NUDT4: variants seen among roughly 807,000 people sequenced by gnomAD.
NUDT4 encodes nudix hydrolase 4, also known as diphosphoinositol polyphosphate phosphohydrolase 2.
NUDT4 carries 5 observed loss-of-function variants against 23.1 expected under a neutral mutation model. The ratio of observed to expected loss-of-function variants is 0.22; its 90% confidence interval spans 0.11 to 0.46. The LOEUF is 0.46. Ranked by LOEUF, NUDT4 falls within the 20% of genes least tolerant of loss-of-function variation. The probability of loss-of-function intolerance (pLI) is 0.99; values close to 1 mark genes in which losing one functional copy is unlikely to be tolerated. For synonymous variants in NUDT4, 50 were observed against 79.0 expected, an observed-to-expected ratio of 0.63 and a Z score of 1.95; for missense variants, 96 against 211.6, an observed-to-expected ratio of 0.45 and a Z score of 3.39.
intron 1 of NUDT4, among the ~76,000 whole-genome samples, chr12:93,380,614 A>C (rs1291348773): frequency 2.0e-5 from 3 of 152,204 alleles, no homozygotes; most frequent in African/African-American, 7.2e-5. Context: ...TCCTTAAGTG[A>C]AATGCACAGC....
intron 4 of NUDT4, 60 bp from the exon 5 acceptor site, chr12:93,399,117 C>T (rs1877159889): frequency 1.6e-6 from 2 of 1,268,260 alleles, no homozygotes; most frequent in East Asian, 4.6e-5. Context: ...GTGGACATTA[C>T]TTATATGGCT....
At chr12:93,378,668 T>C in intron 1 of NUDT4, 1 of 1,154,560 alleles carries the variant, frequency 8.7e-7, no homozygotes, top group Non-Finnish European at 1.1e-6. Context: ...AGAAGGCGCC[T>C]GGTCCCCGGG....
Position 93,378,353 on chromosome 12 carries a change from A to T in NUDT4, c.31A>T (p.Thr11Ser). Residue 11 changes from threonine to serine, a missense_variant, in exon 1 of 5, where the codon ACC becomes TCC. Physicochemically the swap from Thr to Ser is moderately conservative, Grantham distance 58. Transcript: ENST00000415493. ...GAAGTTCAAGCCCAACCAGACGCGG[A>T]CCTACGACCGCGAGGGCTTCAAGAA... MMKFKPNQTR[T>S]YDREGFKKRA... The T allele has an allele frequency of 6.6e-7, 1 of 1,520,270 alleles. No homozygotes were observed. The highest frequency in any genetic ancestry group is 8.9e-7 in the Non-Finnish European group (1 of 1,124,654). The allele number at this position is 1,520,270 out of a possible 1,614,324, so 94.2% of individuals were successfully genotyped here.
At chr12:93,391,147 A>G (rs1876466993) in intron 1 of NUDT4, among the ~76,000 whole-genome samples, 2 of 152,076 alleles carry the variant, frequency 1.3e-5, no homozygotes, top group Non-Finnish European at 2.9e-5. Flanking sequence ...ATTTAAAAGA[A>G]AAAAAAATCA....
chr12:93,386,529 G>A (rs1035721761), intron 1 of NUDT4, among the ~76,000 whole-genome samples: 14 of 151,688 alleles, frequency 9.2e-5, no homozygotes, highest in African/African-American at 2.2e-4. Flanking sequence ...GCAGTGAGCC[G>A]AGATCACGCC....
Position 93,402,755 on chromosome 12 carries a change from T to TA in NUDT4, c.*3377dup, listed in dbSNP as rs1877554674. 6.6e-6 allele frequency: 1 copy of TA among 152,174 alleles called. No homozygotes were observed. Among genetic ancestry groups the TA allele is most frequent in the Non-Finnish European group, 1.5e-5 (1 of 68,030 alleles). 9.4% of individuals were successfully genotyped at this position (152,174 alleles called of 1,614,324 possible). A position where few individuals can be genotyped will look rare whatever the true frequency, so the allele number is the denominator to read the frequency against. The stretch of plus-strand genomic sequence containing the variant: ...TTTTAATGAATGTGAGCTCTTGACT[T>TA]ACTCTAGAATTCTAATACAGATACT... On this transcript the variant is annotated 3_prime_UTR_variant, in exon 5 of 5. Coordinates refer to ENST00000415493, the MANE Select transcript of NUDT4 (RefSeq NM_019094.6).
intron 3 of NUDT4, among the ~76,000 whole-genome samples, chr12:93,398,338 C>CAAAAA (rs34651915): frequency 1.7e-3 from 130 of 74,516 alleles, no homozygotes; most frequent in East Asian, 2.1e-3. Context: ...CTCCCTGTCT[C>CAAAAA]AAAAAAAAAA....
At chr12:93,383,830 TC>T (rs1875871319) in intron 1 of NUDT4, among the ~76,000 whole-genome samples, 1 of 152,154 alleles carries the variant, frequency 6.6e-6, no homozygotes, top group African/African-American at 2.4e-5. Flanking sequence ...AGACAGCGTC[TC>T]AGAAACAGCA....
At chr12:93,383,371 G>A (rs112056880) in intron 1 of NUDT4, among the ~76,000 whole-genome samples, 4,328 of 152,242 alleles carry the variant, frequency 0.028, 203 homozygotes, top group African/African-American at 0.097. Flanking sequence ...CATAACCTAT[G>A]TTCTTTTAAA....
At chr12:93,390,644 G>A (rs985314400) in intron 1 of NUDT4, among the ~76,000 whole-genome samples, 5 of 151,782 alleles carry the variant, frequency 3.3e-5, no homozygotes, top group East Asian at 1.9e-4. Flanking sequence ...TCATTCTGTC[G>A]CCCAGGCTGG....
intron 1 of NUDT4, among the ~76,000 whole-genome samples, chr12:93,393,629 T>C (rs1876717384): frequency 6.6e-6 from 1 of 152,212 alleles, no homozygotes; most frequent in Admixed American, 6.5e-5. Context: ...AATTTTAAAA[T>C]GTAAAAATAC....
At chr12:93,380,174 A>G (rs899076508) in intron 1 of NUDT4, among the ~76,000 whole-genome samples, 3 of 152,146 alleles carry the variant, frequency 2.0e-5, no homozygotes, top group African/African-American at 4.8e-5. Flanking sequence ...TTGTGAGGCT[A>G]AGTTTGGAAG....
At chr12:93,386,261 T>C (rs1368950465) in intron 1 of NUDT4, among the ~76,000 whole-genome samples, 1 of 151,912 alleles carries the variant, frequency 6.6e-6, no homozygotes, top group African/African-American at 2.4e-5. Context: ...GTGTGAGCCA[T>C]TGTGCCTGGC....
rs1877683108 is a variant in NUDT4, at chr12:93,404,392, GAT to G, written c.*5015_*5016del. 1 of 152,224 alleles carries G rather than the reference GAT, an allele frequency of 6.6e-6. No homozygotes were observed. The highest frequency in any genetic ancestry group is 2.4e-5 in the African/African-American group (1 of 41,472). The allele number at this position is 152,224 out of a possible 1,614,324, so 9.4% of individuals were successfully genotyped here. On this transcript the variant is annotated 3_prime_UTR_variant, in exon 5 of 5. Coordinates refer to ENST00000415493, the MANE Select transcript of NUDT4 (RefSeq NM_019094.6). ...TTGCGTAAGGATCTGAGTGGAAACT[GAT>G]ACAGCCTGTCGGAGAGCTACTGAGT...
chr12:93,405,519 G>C lies in NUDT4; in HGVS notation c.*6140G>C, dbSNP rs1336947918. The stretch of plus-strand genomic sequence containing the variant: ...CGGGGAGACCCGAACTCTTAATATT[G>C]GATTCCACACAAGAGGAAAAATTTT... On this transcript the variant is annotated 3_prime_UTR_variant, in exon 5 of 5. Transcript: ENST00000415493. The C allele has an allele frequency of 6.6e-6, 1 of 152,164 alleles. No individual in the cohort carries two copies. The highest frequency in any genetic ancestry group is 1.9e-4 in the East Asian group (1 of 5,178). The allele number at this position is 152,164 out of a possible 1,614,324, so 9.4% of individuals were successfully genotyped here. A position where few individuals can be genotyped will look rare whatever the true frequency, so the allele number is the denominator to read the frequency against.
intron 1 of NUDT4, among the ~76,000 whole-genome samples, chr12:93,383,611 C>T (rs1365104022): frequency 6.6e-6 from 1 of 152,226 alleles, no homozygotes; most frequent in Non-Finnish European, 1.5e-5. Flanking sequence ...GTGGGTGGAT[C>T]ACCTGAGGTC....
intron 1 of NUDT4, among the ~76,000 whole-genome samples, chr12:93,393,504 C>T (rs1022757327): frequency 1.3e-5 from 2 of 152,188 alleles, no homozygotes; most frequent in African/African-American, 4.8e-5. Context: ...GTCTCTGTCA[C>T]AACTGCTTTG....
intron 1 of NUDT4, chr12:93,380,859 C>CCCTCT (rs1433495204): frequency 6.6e-6 from 1 of 152,148 alleles, no homozygotes; most frequent in Admixed American, 6.5e-5. Context: ...AGAAATGTTT[C>CCCTCT]CCTCTACTGG....
intron 1 of NUDT4, among the ~76,000 whole-genome samples, chr12:93,385,639 T>C (rs753907779): frequency 6.6e-6 from 1 of 152,084 alleles, no homozygotes; most frequent in Non-Finnish European, 1.5e-5. Context: ...TTTGGGGGTG[T>C]GATAGAAATG....
Sources: allele counts gnomAD v4.1 joint callset (sites outside exome capture counted in the v4.1 genomes callset), GRCh38; gene constraint gnomAD v4.1.1; transcripts MANE v1.5; gene names NCBI Gene and HGNC (gene_info 2026-07-23, HGNC 2026-07-21).